The following BEGAIN variants were observed in gnomAD, a reference collection of about 807,000 sequenced individuals.
The protein encoded by BEGAIN is brain-enriched guanylate kinase-associated protein.
BEGAIN carries 19 observed loss-of-function variants against 35.8 expected under a neutral mutation model. The observed-to-expected ratio is 0.53, with a 90% CI of 0.37 to 0.78. The LOEUF (loss-of-function observed/expected upper bound fraction) is 0.78. BEGAIN is among the 30% of genes least tolerant of loss of function. BEGAIN has a pLI of 0.00. For synonymous variants in BEGAIN, 462 were observed against 388.6 expected (o/e 1.19, Z -2.22); for missense variants, 795 against 853.6 (o/e 0.93, Z 0.85).
chr14:100,578,930 C>T (rs186260055), intron 1 of BEGAIN, among the ~76,000 whole-genome samples: 14 of 149,034 alleles, frequency 9.4e-5, no homozygotes, highest in East Asian at 6.0e-4. Context: ...GGCATGATCT[C>T]GGCTCACTGC....
In BEGAIN at chr14:100,538,310, CG is replaced by C; in HGVS notation, c.1497del (p.Asp499GlufsTer20). 6.6e-7 allele frequency: 1 copy of C among 1,526,590 alleles called. No homozygotes were observed. The highest frequency in any genetic ancestry group is 8.7e-7 in the Non-Finnish European group (1 of 1,145,090). 94.6% of individuals were successfully genotyped at this position (1,526,590 alleles called of 1,614,324 possible). A position where few individuals can be genotyped will look rare whatever the true frequency, so the allele number is the denominator to read the frequency against. ...SYKADSFSEG[D>X]DLSQGHLAEP... ...TCTGCCAGGTGGCCCTGGGAGAGGT[CG>C]TCCCCCTCGGAGAAGCTGTCGGCCT... On this transcript the variant is annotated frameshift_variant, in exon 7 of 7. Coordinates refer to ENST00000554140, the MANE Select transcript of BEGAIN (RefSeq NM_001385089.1). LOFTEE classifies it high-confidence loss of function.
chr14:100,571,610 G>A (rs1226143565), intron 1 of BEGAIN, among the ~76,000 whole-genome samples: 1 of 152,190 alleles, frequency 6.6e-6, no homozygotes, highest in African/African-American at 2.4e-5. Context: ...TGGCACCCGG[G>A]CACAGAGACT....
chr14:100,568,254 G>A lies in BEGAIN; in HGVS notation c.43-315C>T, dbSNP rs1006962510. 1.8e-3 allele frequency: 1,136 copies of A among 628,672 alleles called. 2 individuals are homozygous for A. Among genetic ancestry groups the A allele is most frequent in the Non-Finnish European group, 2.2e-3 (957 of 441,106 alleles). 38.9% of individuals were successfully genotyped at this position (628,672 alleles called of 1,614,324 possible). On this transcript the variant is annotated intron_variant, in intron 1 of 6. Coordinates refer to ENST00000554140, the MANE Select transcript of BEGAIN (RefSeq NM_001385089.1). The surrounding 1 kb of genome is among the most constrained non-coding windows in gnomAD (Gnocchi z 7.5). ...GGGGCGATCTCGGCCTCGCCCGGAG[G>A]AGGGGGACTCGGCCTGTCCCCGTTA...
At chr14:100,550,389 A>T in intron 2 of BEGAIN, 1 of 399,032 alleles carries the variant, frequency 2.5e-6, no homozygotes, top group South Asian at 1.3e-4. Context: ...CAGAGACACC[A>T]GGGAGCCGGG....
chr14:100,565,645 G>A (rs184249052), intron 2 of BEGAIN, among the ~76,000 whole-genome samples: 5 of 152,234 alleles, frequency 3.3e-5, no homozygotes, highest in African/African-American at 4.8e-5. Flanking sequence ...AGGCAGGACC[G>A]ACCATAGGGT....
chr14:100,538,173 C>A lies in BEGAIN; in HGVS notation c.1635G>T (p.Val545=). The change falls in exon 7 of 7, where the codon GTG becomes GTT. Residue 545 remains valine, a synonymous_variant. Coordinates refer to ENST00000554140, the MANE Select transcript of BEGAIN (RefSeq NM_001385089.1). ...SEGGDGDRLG[V]QLCGTASSPE... is the part of the protein sequence containing the mutation. ...GGCTGCTGGCGGTCCCACACAGCTG[C>A]ACCCCGAGCCTGTCCCCGTCCCCCC... is the stretch of plus-strand genomic sequence containing the variant. 1 of 1,531,148 alleles carries A rather than the reference C, an allele frequency of 6.5e-7. No homozygotes were observed. The highest frequency in any genetic ancestry group is 8.8e-7 in the Non-Finnish European group (1 of 1,142,728). 94.8% of individuals were successfully genotyped at this position (1,531,148 alleles called of 1,614,324 possible).
chr14:100,569,570 C>G (rs1383056365), intron 1 of BEGAIN: 1 of 154,104 alleles, frequency 6.5e-6, no homozygotes. Flanking sequence ...TGTGAGCTCC[C>G]GGGCAGGAGC....
At chr14:100,555,766 C>T (rs1418026847) in intron 2 of BEGAIN, among the ~76,000 whole-genome samples, 3 of 152,192 alleles carry the variant, frequency 2.0e-5, no homozygotes, top group East Asian at 3.9e-4. Flanking sequence ...GCTAGAGGGT[C>T]GACCACGGTG....
chr14:100,577,580 C>T, intron 1 of BEGAIN: 1 of 399,104 alleles, frequency 2.5e-6, no homozygotes, highest in Non-Finnish European at 4.4e-6. Context: ...TCCAGGGTCC[C>T]AGGGTCCAGA....
chr14:100,587,201 CTCCGCGCCCGCG>C, intron 1 of BEGAIN, 36 bp downstream of exon 1: 1 of 181,092 alleles, frequency 5.5e-6, no homozygotes, highest in Non-Finnish European at 1.1e-5. Context: ...CCCGCCCCGC[CTCCGCGCCCGCG>C]CCCGCGCCCT....
At chr14:100,556,367 G>A (rs564869403) in intron 2 of BEGAIN, among the ~76,000 whole-genome samples, 95 of 152,260 alleles carry the variant, frequency 6.2e-4, no homozygotes, top group African/African-American at 2.2e-3. Context: ...GCAGAACCAC[G>A]TGCTGGGAGC....
intron 1 of BEGAIN, among the ~76,000 whole-genome samples, chr14:100,581,356 T>C (rs150191171): frequency 2.8e-4 from 42 of 152,320 alleles, no homozygotes; most frequent in Non-Finnish European, 4.9e-4. Context: ...CTGCTGGCTC[T>C]CAGGCGCCTG....
intron 3 of BEGAIN, 124 bp downstream of exon 3, chr14:100,546,373 GCCCC>G (rs779362219): frequency 0.71 from 69,326 of 97,196 alleles, 25,856 homozygotes; most frequent in East Asian, 0.89. Context: ...CCCTCGCCCC[GCCCC>G]GGCCCTCGCC....
chr14:100,539,264 A>C lies in BEGAIN; in HGVS notation c.544T>G (p.Cys182Gly). ...RVSLHMEKHGCSLPSPLCHPA... is the reference protein window; with the variant it reads ...RVSLHMEKHGGSLPSPLCHPA... ...TGGCAGAGCGGGGATGGCAGGCTGC[A>C]GCCGTGCTTCTCCATGTGCAGGCTC... Residue 182 changes from cysteine (C) to glycine (G), a missense_variant, in exon 7 of 7, where the codon TGC becomes GGC. Coordinates refer to ENST00000554140, the MANE Select transcript of BEGAIN (RefSeq NM_001385089.1). 1 of 1,586,336 alleles carries C rather than the reference A, an allele frequency of 6.3e-7. No homozygotes were observed. Among genetic ancestry groups the C allele is most frequent in the South Asian group, 1.2e-5 (1 of 86,278 alleles).
Position 100,538,052 on chromosome 14 carries a change from C to A in BEGAIN, c.1756G>T (p.Ala586Ser), listed in dbSNP as rs1369970688. ...HPAARLSPQQ[A>S]FPRTGGSGLS... is the part of the protein sequence containing the mutation. ...CCCGAGCCACCAGTCCGCGGAAAGGCCTGCTGGGGGCTGAGGCGGGCGGCA... is the reference window on the plus strand; with the variant it reads ...CCCGAGCCACCAGTCCGCGGAAAGGACTGCTGGGGGCTGAGGCGGGCGGCA... Residue 586 changes from alanine (A) to serine (S), a missense_variant, in exon 7 of 7, where the codon GCC (alanine) becomes TCC (serine). By Grantham distance (99) the Ala-to-Ser change is moderately conservative. Transcript: ENST00000554140. The A allele has an allele frequency of 6.2e-7, 1 of 1,606,012 alleles. No individual in the cohort carries two copies. The highest frequency in any genetic ancestry group is 1.1e-5 in the South Asian group (1 of 90,124).
chr14:100,561,085 G>GA (rs1160937874), intron 2 of BEGAIN, among the ~76,000 whole-genome samples: 1 of 152,198 alleles, frequency 6.6e-6, no homozygotes, highest in Non-Finnish European at 1.5e-5. Flanking sequence ...GGAGCCCTGA[G>GA]AAACAGGCAC....
At chr14:100,561,357 G>A (rs769804295) in intron 2 of BEGAIN, among the ~76,000 whole-genome samples, 4 of 152,190 alleles carry the variant, frequency 2.6e-5, no homozygotes, top group Non-Finnish European at 5.9e-5. Flanking sequence ...CCAGGTGCAT[G>A]ACCCCAGCGT....
chr14:100,553,179 G>T (rs1486618325), intron 2 of BEGAIN, among the ~76,000 whole-genome samples: 1 of 152,130 alleles, frequency 6.6e-6, no homozygotes, highest in Non-Finnish European at 1.5e-5. Flanking sequence ...GACGGGTGGG[G>T]AAGGAGAACG....
chr14:100,578,439 G>T (rs896612163), intron 1 of BEGAIN, among the ~76,000 whole-genome samples: 3 of 152,258 alleles, frequency 2.0e-5, no homozygotes, highest in Admixed American at 2.0e-4. Flanking sequence ...CAAATGGAAG[G>T]GGGTGGCAGA....
Sources: gnomAD v4.1 joint callset for allele counts (sites outside exome capture counted in the v4.1 genomes callset) on GRCh38, gnomAD v4.1.1 for gene constraint, Gnocchi (gnomAD v3.1) non-coding constraint, MANE v1.5 for transcripts, NCBI Gene and HGNC (gene_info 2026-07-23, HGNC 2026-07-21) for gene names.